EPB41L4A: variants seen among roughly 807,000 people sequenced by gnomAD.
The protein encoded by EPB41L4A is band 4.1-like protein 4A.
A neutral mutation model predicts 108.6 loss-of-function variants in EPB41L4A; 100 were observed. The observed-to-expected ratio is 0.92, with a 90% CI of 0.78 to 1.09. The LOEUF (loss-of-function observed/expected upper bound fraction) is 1.09. Ranked by LOEUF, EPB41L4A falls within the 50% of genes least tolerant of loss-of-function variation. The pLI is 0.00. For missense variants in EPB41L4A, 1,030 were observed against 842.7 expected (o/e 1.22, Z -2.75); for synonymous variants, 319 against 289.0 (o/e 1.10, Z -1.05).
At chr5:112,396,800 A>T (rs1761383187) in intron 1 of EPB41L4A, among the ~76,000 whole-genome samples, 1 of 152,256 alleles carries the variant, frequency 6.6e-6, no homozygotes, top group Non-Finnish European at 1.5e-5. Flanking sequence ...CAAAGCAATG[A>T]GTCCAGCCTA....
At chr5:112,361,197 T>C (rs1016950898) in intron 1 of EPB41L4A, among the ~76,000 whole-genome samples, 3 of 152,218 alleles carry the variant, frequency 2.0e-5, no homozygotes, top group African/African-American at 7.2e-5. Context: ...TGCCTTGGGA[T>C]GCTGTTAATC....
intron 1 of EPB41L4A, among the ~76,000 whole-genome samples, chr5:112,309,664 C>G (rs2150584846): frequency 6.6e-6 from 1 of 152,238 alleles, no homozygotes; most frequent in South Asian, 2.1e-4. Context: ...GAATACCACC[C>G]CTATAATTGT....
rs765068705 is a variant in EPB41L4A, at chr5:112,262,515, G to A, written c.621C>T (p.Gly207=). Residue 207 remains glycine (G), a synonymous_variant, in exon 7 of 23, where the codon GGC becomes GGT. Transcript: ENST00000261486. ...LRTAKSLEMY[G]VDLHPVYGEN... ...TCACATAGACGGGATGGAGGTCAAC[G>A]CCATACATCTCCAGGGATTTGGCAG... 23 of 1,613,674 alleles carry A rather than the reference G, an allele frequency of 1.4e-5. No homozygotes were observed. The highest frequency in any genetic ancestry group is 6.7e-5 in the Admixed American group (4 of 60,000).
chr5:112,375,666 G>A (rs938355313), intron 1 of EPB41L4A, among the ~76,000 whole-genome samples: 4 of 152,164 alleles, frequency 2.6e-5, no homozygotes, highest in Non-Finnish European at 5.9e-5. Context: ...GGCCCTTGAG[G>A]TAGTTGCACT....
At position 112,204,394 on chromosome 5, in the gene EPB41L4A, C is replaced by G. The variant is rs1762366269; in HGVS notation, c.1357G>C (p.Val453Leu). The part of the protein sequence containing the change: ...NPSCGSDNDS[V>L]QPVRRRKAHN... ...GCTTACCTCCTCCTCACAGGCTGTA[C>G]AGAATCATTGTCACTTCCACAGGAG... The change falls in exon 15 of 23, where the codon GTA becomes CTA. Residue 453 changes from valine to leucine, a missense_variant. Transcript: ENST00000261486. 6.2e-7 allele frequency: 1 copy of G among 1,612,966 alleles called. No individual in the cohort carries two copies. The highest frequency in any genetic ancestry group is 1.1e-5 in the South Asian group (1 of 91,058).
At chr5:112,350,778 C>A (rs1233279932) in intron 1 of EPB41L4A, among the ~76,000 whole-genome samples, 1 of 152,210 alleles carries the variant, frequency 6.6e-6, no homozygotes. Context: ...CAGCTCCATC[C>A]ATGATGCTGC....
At chr5:112,216,222 C>T (rs946408635) in intron 12 of EPB41L4A, among the ~76,000 whole-genome samples, 7 of 152,290 alleles carry the variant, frequency 4.6e-5, no homozygotes, top group African/African-American at 1.4e-4. Flanking sequence ...AAAGTCATCC[C>T]TGTGATGTCA....
At chr5:112,161,025 T>G (rs528676137), downstream of EPB41L4A, 1 of 158,324 alleles carries the variant, frequency 6.3e-6, no homozygotes, top group African/African-American at 2.4e-5. Context: ...GTCCGAAGTG[T>G]CCGGGGCCGT....
intron 1 of EPB41L4A, among the ~76,000 whole-genome samples, chr5:112,369,082 T>A (rs1759320042): frequency 6.6e-6 from 1 of 152,188 alleles, no homozygotes; most frequent in African/African-American, 2.4e-5. Flanking sequence ...TTGGTTTCCA[T>A]AGTATTATCG....
chr5:112,419,174 C>A lies in EPB41L4A; in HGVS notation c.-135G>T. On this transcript the variant is annotated 5_prime_UTR_variant, in exon 1 of 23. Transcript: ENST00000261486. ...TGAGACGAGCAGCTCCCGGCGGGGT[C>A]CGGGGACCGGCCGCCGAACCGCCCG... The A allele has an allele frequency of 1.6e-6, 1 of 615,650 alleles. No individual in the cohort carries two copies. The highest frequency in any genetic ancestry group is 2.8e-6 in the Non-Finnish European group (1 of 362,404). The allele number at this position is 615,650 out of a possible 1,614,324, so 38.1% of individuals were successfully genotyped here. A position where few individuals can be genotyped will look rare whatever the true frequency, so the allele number is the denominator to read the frequency against.
intron 1 of EPB41L4A, among the ~76,000 whole-genome samples, chr5:112,358,229 A>G (rs1758492474): frequency 6.6e-6 from 1 of 152,236 alleles, no homozygotes; most frequent in African/African-American, 2.4e-5. Context: ...TCCTTACTGT[A>G]TATGTCCAGC....
chr5:112,329,950 T>C (rs1561576988), intron 1 of EPB41L4A, among the ~76,000 whole-genome samples: 2 of 152,194 alleles, frequency 1.3e-5, no homozygotes, highest in Non-Finnish European at 2.9e-5. Context: ...GCAAGTCTGC[T>C]GAATCACTTT....
intron 12 of EPB41L4A, among the ~76,000 whole-genome samples, chr5:112,219,888 G>GTT (rs776999660): frequency 2.0e-5 from 3 of 152,084 alleles, no homozygotes; most frequent in Non-Finnish European, 4.4e-5. Flanking sequence ...TAGAGATAGG[G>GTT]TTTCACCATG....
At chr5:112,230,337 A>C (rs1748798224) in intron 12 of EPB41L4A, among the ~76,000 whole-genome samples, 1 of 152,198 alleles carries the variant, frequency 6.6e-6, no homozygotes, top group African/African-American at 2.4e-5. Flanking sequence ...TCTAGTTTAC[A>C]TTCCAACCAG....
chr5:112,405,100 G>A (rs914695289), intron 1 of EPB41L4A, among the ~76,000 whole-genome samples: 1 of 152,202 alleles, frequency 6.6e-6, no homozygotes, highest in Non-Finnish European at 1.5e-5. Flanking sequence ...GAAATGACAG[G>A]ATGTTATAAA....
Position 112,168,821 on chromosome 5 carries a change from C to A in EPB41L4A, c.1851-1G>T. 1 of 1,613,304 alleles carries A rather than the reference C, an allele frequency of 6.2e-7. No homozygotes were observed. The highest frequency in any genetic ancestry group is 8.5e-7 in the Non-Finnish European group (1 of 1,179,244). ...TGGTGGTACAAGATCTGTTTTTGAA[C>A]TGCAGAGAATGAGTTTTAGAATTAG... On this transcript the variant is annotated splice_acceptor_variant, in intron 21 of 22. Coordinates refer to ENST00000261486, the MANE Select transcript of EPB41L4A (RefSeq NM_022140.5). LOFTEE classifies it high-confidence loss of function.
In EPB41L4A at chr5:112,178,054, AC is replaced by A. The variant is rs1315542283; in HGVS notation, c.1622+5961del. On this transcript the variant is annotated intron_variant, in intron 18 of 22. Transcript: ENST00000261486. ...GTCAGGCTAGAATTAAAAAAAAAAA[AC>A]AAAAAGACCAACTGTACACTGTTTA... Among the ~76,000 whole-genome samples the A allele has an allele frequency of 4.2e-3, 639 of 151,790 alleles. 7 individuals are homozygous for A. Among genetic ancestry groups the A allele is most frequent in the African/African-American group, 0.015 (610 of 41,334 alleles).
chr5:112,297,171 G>C (rs1346740365), intron 2 of EPB41L4A, among the ~76,000 whole-genome samples: 1 of 152,142 alleles, frequency 6.6e-6, no homozygotes, highest in African/African-American at 2.4e-5. Context: ...GGGATTGCTG[G>C]ATCAAATGGG....
chr5:112,143,216 T>A (rs1295014037), exon 14 of EPB41L4A: 1 of 152,176 alleles, frequency 6.6e-6, no homozygotes, highest in Non-Finnish European at 1.5e-5. Flanking sequence ...TTAAACAAAT[T>A]ATTGTTTCAA....
Sources: allele counts gnomAD v4.1 joint callset (sites outside exome capture counted in the v4.1 genomes callset), GRCh38; gene constraint gnomAD v4.1.1; transcripts MANE v1.5; gene names NCBI Gene and HGNC (gene_info 2026-07-23, HGNC 2026-07-21).